SLC22A31: variants seen among roughly 807,000 people sequenced by gnomAD.
SLC22A31 encodes the protein solute carrier family 22 member 31.
SLC22A31 carries 42 observed loss-of-function variants against 27.4 expected under a neutral mutation model. The ratio of observed to expected loss-of-function variants is 1.53; its 90% CI spans 1.20 to 1.98. The LOEUF is 1.98. Among genes scored for constraint, SLC22A31 ranks in the 30% most tolerant of loss-of-function variants. The pLI is 0.00. For missense variants in SLC22A31, 593 were observed against 479.9 expected (o/e 1.24, Z -2.20); for synonymous variants, 290 against 230.8 (o/e 1.26, Z -2.33).
chr16:89,200,021 C>G (rs1477924611), intron 1 of SLC22A31: 2 of 394,050 alleles, frequency 5.1e-6, no homozygotes, highest in Non-Finnish European at 8.9e-6. Flanking sequence ...AGCCCCTGCA[C>G]AGGGGTCGGG....
chr16:89,196,605 G>A (rs1915951882), intron 8 of SLC22A31, among the ~76,000 whole-genome samples: 1 of 152,238 alleles, frequency 6.6e-6, no homozygotes, highest in African/African-American at 2.4e-5. Context: ...TTGAAAAATT[G>A]TTTTGGAAAA....
At position 89,198,445 on chromosome 16, in the gene SLC22A31, C is replaced by T; in HGVS notation, c.704G>A (p.Ser235Asn). The change falls in exon 6 of 9, where the codon AGC (serine) becomes AAC (asparagine). Residue 235 changes from serine (S) to asparagine (N), a missense_variant. By Grantham distance (46) the Ser-to-Asn change is conservative (BLOSUM62 1). Coordinates refer to ENST00000682282, the MANE Select transcript of SLC22A31 (RefSeq NM_001384763.1). ...TWRNGLILGF[S>N]SLVGGGIRAS... Reference sequence around the variant, plus strand: ...CCCCAGCCCTTCCTCGACTCACGAGCTGAAGCCCAAGATAAGCCCGTTTCT... The same window carrying T: ...CCCCAGCCCTTCCTCGACTCACGAGTTGAAGCCCAAGATAAGCCCGTTTCT... 6.6e-7 allele frequency: 1 copy of T among 1,517,662 alleles called. No homozygotes were observed. Among genetic ancestry groups the T allele is most frequent in the South Asian group, 1.2e-5 (1 of 81,710 alleles). 94.0% of individuals were successfully genotyped at this position (1,517,662 alleles called of 1,614,324 possible).
Position 89,199,735 on chromosome 16 carries a change from T to C in SLC22A31, c.106A>G (p.Ile36Val), listed in dbSNP as rs2151615113. 2.5e-6 allele frequency: 1 copy of C among 404,882 alleles called. No homozygotes were observed. Among genetic ancestry groups the C allele is most frequent in the East Asian group, 3.5e-5 (1 of 28,182 alleles). 25.1% of individuals were successfully genotyped at this position (404,882 alleles called of 1,614,324 possible). The change falls in exon 2 of 9, where the codon ATC becomes GTC. Residue 36 changes from isoleucine to valine, a missense_variant. Ile to Val is a conservative substitution (Grantham distance 29). Transcript: ENST00000682282. ...HLLGWLLGCVILGAGCDRFGR... is the reference protein window; with the variant it reads ...HLLGWLLGCVVLGAGCDRFGR... The stretch of plus-strand genomic sequence containing the variant: ...CACCGGTCACAGCCTGCTCCCAGGA[T>C]GACACAGCCCAGCAGCCAGCCCAGG...
Position 89,199,450 on chromosome 16 carries a change from G to GC in SLC22A31, c.245dup (p.Thr83HisfsTer18). The GC allele has an allele frequency of 1.9e-6, 1 of 538,334 alleles. No homozygotes were observed. Among genetic ancestry groups the GC allele is most frequent in the Non-Finnish European group, 3.3e-6 (1 of 300,218 alleles). 33.3% of individuals were successfully genotyped at this position (538,334 alleles called of 1,614,324 possible). On this transcript the variant is annotated frameshift_variant, in exon 3 of 9. Coordinates refer to ENST00000682282, the MANE Select transcript of SLC22A31 (RefSeq NM_001384763.1). LOFTEE classifies it high-confidence loss of function. ...GGGCGAGGAGGGCCCCTGCCAATGT[G>GC]CCCCCGTGGAGTAGGCGCAGGACCA... is the stretch of plus-strand genomic sequence containing the variant.
chr16:89,199,330 G>A (rs965161102), intron 3 of SLC22A31, 83 bp downstream of exon 3: 26 of 879,624 alleles, frequency 3.0e-5, no homozygotes, highest in African/African-American at 8.5e-5. Context: ...CCTGCAGCTC[G>A]GGGCCCTCGG....
intron 7 of SLC22A31, 81 bp from the exon 8 acceptor site, chr16:89,197,490 C>T (rs971806030): frequency 2.6e-5 from 26 of 991,294 alleles, no homozygotes; most frequent in Non-Finnish European, 3.9e-5. Context: ...CCCAGAGAAC[C>T]ACACCACTGT....
At chr16:89,196,818 T>A (rs1915975510) in intron 8 of SLC22A31, among the ~76,000 whole-genome samples, 1 of 151,672 alleles carries the variant, frequency 6.6e-6, no homozygotes, top group Non-Finnish European at 1.5e-5. Flanking sequence ...TGGTGGTGGG[T>A]GCCTGTAATC....
In SLC22A31 at chr16:89,198,481, C is replaced by T. The variant is rs373504039; in HGVS notation, c.668G>A (p.Arg223Gln). 236 of 1,520,194 alleles carry T rather than the reference C, an allele frequency of 1.6e-4. No individual in the cohort carries two copies. The highest frequency in any genetic ancestry group is 1.3e-3 in the South Asian group (109 of 81,758). 94.2% of individuals were successfully genotyped at this position (1,520,194 alleles called of 1,614,324 possible). Residue 223 changes from arginine (R) to glutamine (Q), a missense_variant, in exon 6 of 9, where the codon CGA (arginine) becomes CAA (glutamine). Transcript: ENST00000682282. ...YHSPLGLLRT[R>Q]VTWRNGLILG... ...GATAAGCCCGTTTCTCCAGGTGACT[C>T]GGGTACGCAGAAGCCCCAGTGGGGA...
rs968190865 is a variant in SLC22A31, at chr16:89,199,130, C to T, written c.345G>A (p.Ser115=). The T allele has an allele frequency of 2.0e-5, 30 of 1,535,216 alleles. No homozygotes were observed. The Admixed American group carries it at 2.8e-4, about 14-fold the overall frequency. Residue 115 remains serine, a synonymous_variant, in exon 4 of 9, where the codon TCG becomes TCA. Coordinates refer to ENST00000682282, the MANE Select transcript of SLC22A31 (RefSeq NM_001384763.1). ...LAFSMGAGLF[S]VVGTLLLPGL... ...CGGGCAGCAGCAGGGTGCCCACCAC[C>T]GAGAAAAGGCCAGCCCCCATGGAGA...
intron 7 of SLC22A31, 150 bp from the exon 8 acceptor site, chr16:89,197,559 A>G (rs1446162153): frequency 5.6e-5 from 34 of 605,582 alleles, no homozygotes; most frequent in Non-Finnish European, 5.8e-6. Flanking sequence ...TGGAGGGGGA[A>G]CCTGTCCTCT....
rs1322156399 is a variant in SLC22A31, at chr16:89,198,676, AG to A, written c.573del (p.Leu192TrpfsTer10). ...CCTGTAGCCAGGGAGTTCTCCTCCA[AG>A]GAACTGTCCCCGGGGCCCACGCCAC... ...EASGVGPGDS[S>X]LEENSLATEL... On this transcript the variant is annotated frameshift_variant, in exon 5 of 9. Coordinates refer to ENST00000682282, the MANE Select transcript of SLC22A31 (RefSeq NM_001384763.1). LOFTEE classifies it high-confidence loss of function. 25 of 1,535,590 alleles carry A rather than the reference AG, an allele frequency of 1.6e-5. No individual in the cohort carries two copies. The highest frequency in any genetic ancestry group is 2.1e-5 in the Non-Finnish European group (24 of 1,146,784).
Position 89,199,211 on chromosome 16 carries a change from T to C in SLC22A31, c.284-20A>G. On this transcript the variant is annotated intron_variant, in intron 3 of 8. Coordinates refer to ENST00000682282, the MANE Select transcript of SLC22A31 (RefSeq NM_001384763.1). ...CCAGGCCTGGGCAGACACAGACAGGTTGAAGTGGAGGCCTCGGGGAGGACT... is the reference window on the plus strand; with the variant it reads ...CCAGGCCTGGGCAGACACAGACAGGCTGAAGTGGAGGCCTCGGGGAGGACT... 6.6e-7 allele frequency: 1 copy of C among 1,509,682 alleles called. No individual in the cohort carries two copies. Among genetic ancestry groups the C allele is most frequent in the Non-Finnish European group, 8.8e-7 (1 of 1,134,366 alleles). 93.5% of individuals were successfully genotyped at this position (1,509,682 alleles called of 1,614,324 possible). A position where few individuals can be genotyped will look rare whatever the true frequency, so the allele number is the denominator to read the frequency against.
At chr16:89,201,040 C>A, upstream of SLC22A31, 1 of 362,820 alleles carries the variant, frequency 2.8e-6, no homozygotes. Flanking sequence ...CTGGCAGCTC[C>A]CAGGCCCAGA....
rs1344676647 is a variant in SLC22A31 at position 89,198,684 on chromosome 16, TC to T, written c.565del (p.Asp189ThrfsTer13). 1.3e-6 allele frequency: 2 copies of T among 1,535,674 alleles called. No homozygotes were observed. The highest frequency in any genetic ancestry group is 1.4e-5 in the African/African-American group (1 of 73,136). Reference protein sequence around the residue: ...FAEASGVGPGDSSLEENSLAT... With the variant: ...FAEASGVGPGXSSLEENSLAT... ...CAGGGAGTTCTCCTCCAAGGAACTG[TC>T]CCCGGGGCCCACGCCACTGGCTTCT... On this transcript the variant is annotated frameshift_variant, in exon 5 of 9. Coordinates refer to ENST00000682282, the MANE Select transcript of SLC22A31 (RefSeq NM_001384763.1). LOFTEE classifies it high-confidence loss of function.
In SLC22A31 at chr16:89,196,099, CGCAGGCGGTCG is replaced by C. The variant is rs1567779552; in HGVS notation, c.1230_1240del (p.Asp411ProfsTer82). On this transcript the variant is annotated frameshift_variant, in exon 9 of 9. Transcript: ENST00000682282. LOFTEE classifies it low-confidence loss of function (END_TRUNC). ...GCGGCCCCGCAGGAGTGGGGAGCGG[CGCAGGCGGTCG>C]GCGTCCTGCAGTGACTGGGGCAGCC... 6.5e-7 allele frequency: 1 copy of C among 1,533,672 alleles called. No homozygotes were observed. Among genetic ancestry groups the C allele is most frequent in the South Asian group, 1.2e-5 (1 of 83,942 alleles).
At chr16:89,197,982 G>T in intron 7 of SLC22A31, 140 bp downstream of exon 7, 2 of 919,322 alleles carry the variant, frequency 2.2e-6, no homozygotes, top group Non-Finnish European at 3.2e-6. Flanking sequence ...CTTCCACAAG[G>T]ATCAGAGGAA....
chr16:89,199,796 G>A lies in SLC22A31; in HGVS notation c.45C>T (p.Asp15=), dbSNP rs746326734. The A allele has an allele frequency of 1.7e-5, 7 of 403,396 alleles. No individual in the cohort carries two copies. Among genetic ancestry groups the A allele is most frequent in the Non-Finnish European group, 2.6e-5 (6 of 227,942 alleles). 25.0% of individuals were successfully genotyped at this position (403,396 alleles called of 1,614,324 possible). A position where few individuals can be genotyped will look rare whatever the true frequency, so the allele number is the denominator to read the frequency against. ...CCTGCTCCAGCGGGACCTTCCAGCCGTCTCCACACACAAGGTTCCACTATG... is the reference window on the plus strand; with the variant it reads ...CCTGCTCCAGCGGGACCTTCCAGCCATCTCCACACACAAGGTTCCACTATG... ...LSQNWNLVCG[D]GWKVPLEQVS... is the part of the protein sequence containing the mutation. The change falls in exon 2 of 9, where the codon GAC becomes GAT. Residue 15 remains aspartate (D), a synonymous_variant. Coordinates refer to ENST00000682282, the MANE Select transcript of SLC22A31 (RefSeq NM_001384763.1).
At position 89,198,745 on chromosome 16, in the gene SLC22A31, C is replaced by A. The variant is rs542678505; in HGVS notation, c.505G>T (p.Val169Leu). Residue 169 changes from valine (V) to leucine (L), a missense_variant, in exon 5 of 9, where the codon GTA becomes TTA. Val to Leu is a conservative substitution (Grantham distance 32). Coordinates refer to ENST00000682282, the MANE Select transcript of SLC22A31 (RefSeq NM_001384763.1). ...SPCWLLATGQVARARKILWRF... is the reference protein window; with the variant it reads ...SPCWLLATGQLARARKILWRF... ...CACAGGATCTTCCTGGCTCGAGCTACCTGACCTGTGGCCAGCAGCCAGCAG... is the reference window on the plus strand; with the variant it reads ...CACAGGATCTTCCTGGCTCGAGCTAACTGACCTGTGGCCAGCAGCCAGCAG... 1 of 1,535,582 alleles carries A rather than the reference C, an allele frequency of 6.5e-7. No homozygotes were observed. The highest frequency in any genetic ancestry group is 8.7e-7 in the Non-Finnish European group (1 of 1,146,606).
chr16:89,198,338 T>C lies in SLC22A31; in HGVS notation c.708-2A>G, dbSNP rs1916178907. 6.5e-7 allele frequency: 1 copy of C among 1,535,732 alleles called. No homozygotes were observed. The highest frequency in any genetic ancestry group is 8.7e-7 in the Non-Finnish European group (1 of 1,146,860). Reference sequence around the variant, plus strand: ...GCTCTGATGCCTCCACCAACCAGCCTGGGAGAGAGAGCAAATCTATGGGCC... The same window carrying C: ...GCTCTGATGCCTCCACCAACCAGCCCGGGAGAGAGAGCAAATCTATGGGCC... On this transcript the variant is annotated splice_acceptor_variant, in intron 6 of 8. Coordinates refer to ENST00000682282, the MANE Select transcript of SLC22A31 (RefSeq NM_001384763.1). LOFTEE classifies it high-confidence loss of function.
Sources: gnomAD v4.1 joint callset for allele counts (sites outside exome capture counted in the v4.1 genomes callset) on GRCh38, gnomAD v4.1.1 for gene constraint, MANE v1.5 for transcripts, NCBI Gene and HGNC (gene_info 2026-07-23, HGNC 2026-07-21) for gene names.